Variants in FBRS observed in about 807,000 individuals in gnomAD.
The protein encoded by FBRS is probable fibrosin-1.
In FBRS, 15 loss-of-function variants were observed where a neutral mutation model predicts 86.1. The ratio of observed to expected loss-of-function variants is 0.17; its 90% CI spans 0.12 to 0.27. FBRS has a LOEUF of 0.27. Ranked by LOEUF, FBRS falls within the 10% of genes least tolerant of loss-of-function variation. FBRS has a pLI of 1.00. For missense variants in FBRS, 1,367 were observed against 1,301.6 expected, an observed-to-expected ratio of 1.05 and a Z score of -0.77; for synonymous variants, 666 against 575.8, an observed-to-expected ratio of 1.16 and a Z score of -2.24.
rs1360133931 is a variant in FBRS at position 30,664,502 on chromosome 16, C to G, written c.1343C>G (p.Ala448Gly). ...QVPGHPGASA[A>G]NALSEQDLIG... ...CCAGGGCACCCTGGGGCCTCAGCCG[C>G]TAACGCCCTTTCTGGTGAGTTTGGG... The change falls in exon 7 of 18, where the codon GCT becomes GGT. Residue 448 changes from alanine (A) to glycine (G), a missense_variant. This residue lies in a region of FBRS where 702 missense variants were observed against 598.7 expected (regional missense o/e 1.17). Transcript: ENST00000356166. The G allele has an allele frequency of 1.4e-6, 2 of 1,419,640 alleles. No individual in the cohort carries two copies. Among genetic ancestry groups the G allele is most frequent in the Non-Finnish European group, 1.8e-6 (2 of 1,089,262 alleles). The allele number at this position is 1,419,640 out of a possible 1,614,324, so 87.9% of individuals were successfully genotyped here. A position where few individuals can be genotyped will look rare whatever the true frequency, so the allele number is the denominator to read the frequency against.
chr16:30,662,034 A>C, intron 4 of FBRS: 1 of 218,192 alleles, frequency 4.6e-6, no homozygotes. Context: ...TTAATGAGGA[A>C]TCTCCGGATT....
chr16:30,666,399 G>C (rs1488036823), intron 11 of FBRS, 113 bp from the exon 12 acceptor site: 1 of 1,319,894 alleles, frequency 7.6e-7, no homozygotes, highest in East Asian at 2.3e-5. Context: ...AGGGTTTGAG[G>C]GAGTCCCAGT....
chr16:30,666,336 G>A (rs936815826), intron 11 of FBRS, 176 bp from the exon 12 acceptor site: 3 of 740,792 alleles, frequency 4.0e-6, no homozygotes, highest in African/African-American at 1.8e-5. Flanking sequence ...TGTGCTGGAG[G>A]AGAGATGCCT....
chr16:30,669,335 G>C lies in FBRS; in HGVS notation c.2633G>C (p.Gly878Ala), dbSNP rs1414292466. 1.2e-6 allele frequency: 2 copies of C among 1,611,876 alleles called. No individual in the cohort carries two copies. The highest frequency in any genetic ancestry group is 1.7e-6 in the Non-Finnish European group (2 of 1,179,440). The change falls in exon 18 of 18, where the codon GGC (glycine) becomes GCC (alanine). Residue 878 changes from glycine to alanine, a missense_variant. Transcript: ENST00000356166. The surrounding 1 kb of genome is among the most constrained non-coding windows in gnomAD (Gnocchi z 5.9). ...CCTAGCCCACCAGATCGCTGTGCTG[G>C]CTTCCTGGAGCCAACCTGGTTGGCA... ...LGPSPPDRCA[G>A]FLEPTWLAAP...
rs2052459022 is a variant in FBRS, at chr16:30,661,346, A to G, written c.705+13A>G. 6.5e-7 allele frequency: 1 copy of G among 1,550,294 alleles called. No homozygotes were observed. The highest frequency in any genetic ancestry group is 2.4e-5 in the East Asian group (1 of 40,900). On this transcript the variant is annotated intron_variant, in intron 4 of 17. Transcript: ENST00000356166. ...TCTGGACGAGAGGGTGAGTGGGGCT[A>G]GAGCTTGGGTGGGCAGTGTCACTGC...
Position 30,669,438 on chromosome 16 carries a change from T to C in FBRS, c.2736T>C (p.Ala912=). 6.2e-7 allele frequency: 1 copy of C among 1,612,800 alleles called. No individual in the cohort carries two copies. Among genetic ancestry groups the C allele is most frequent in the South Asian group, 1.1e-5 (1 of 91,086 alleles). Residue 912 remains alanine (A), a synonymous_variant, in exon 18 of 18, where the codon GCT becomes GCC. Transcript: ENST00000356166. The surrounding 1 kb of genome is among the most constrained non-coding windows in gnomAD (Gnocchi z 5.9). ...TAACTGGACCCGGGGCCGTGGCCGC[T>C]GCCCGCCTCTACGGTCTGGAACCTG... The part of the protein sequence containing the change: ...EELTGPGAVA[A]ARLYGLEPAH...
Position 30,662,400 on chromosome 16 carries a change from C to T in FBRS, c.706-20C>T, listed in dbSNP as rs1376250374. ...TGGCCCACCCACAACCTAACTCTATCCCTTGCCCTTCTTCCCCAGGTCTCC... is the reference window on the plus strand; with the variant it reads ...TGGCCCACCCACAACCTAACTCTATTCCTTGCCCTTCTTCCCCAGGTCTCC... On this transcript the variant is annotated intron_variant, in intron 4 of 17. Coordinates refer to ENST00000356166, the MANE Select transcript of FBRS (RefSeq NM_001105079.3). The T allele has an allele frequency of 3.9e-6, 6 of 1,550,138 alleles. No individual in the cohort carries two copies. The East Asian group carries it at 1.2e-4, about 32-fold the overall frequency.
At position 30,662,756 on chromosome 16, in the gene FBRS, C is replaced by T; in HGVS notation, c.952C>T (p.Pro318Ser). The change falls in exon 6 of 18, where the codon CCC becomes TCC. Residue 318 changes from proline (P) to serine (S), a missense_variant. Coordinates refer to ENST00000356166, the MANE Select transcript of FBRS (RefSeq NM_001105079.3). ...ACCCCCTGCACCCCTGCCGGCCACT[C>T]CCAGTCTGCCACCCCCACCCCAGCC... is the stretch of plus-strand genomic sequence containing the variant. ...VSPPAPLPATPSLPPPPQPQL... is the reference protein window; with the variant it reads ...VSPPAPLPATSSLPPPPQPQL... 6.5e-7 allele frequency: 1 copy of T among 1,528,468 alleles called. No individual in the cohort carries two copies. Among genetic ancestry groups the T allele is most frequent in the Non-Finnish European group, 8.8e-7 (1 of 1,133,182 alleles). 94.7% of individuals were successfully genotyped at this position (1,528,468 alleles called of 1,614,324 possible).
rs1446970388 is a variant in FBRS, at chr16:30,670,699, A to G, written c.*1054A>G. 4 of 157,134 alleles carry G rather than the reference A, an allele frequency of 2.5e-5. No individual in the cohort carries two copies. Among genetic ancestry groups the G allele is most frequent in the Non-Finnish European group, 4.3e-5 (3 of 69,952 alleles). 9.7% of individuals were successfully genotyped at this position (157,134 alleles called of 1,614,324 possible). A position where few individuals can be genotyped will look rare whatever the true frequency, so the allele number is the denominator to read the frequency against. On this transcript the variant is annotated 3_prime_UTR_variant, in exon 18 of 18. Coordinates refer to ENST00000356166, the MANE Select transcript of FBRS (RefSeq NM_001105079.3). ...GCGCCTCCAGGCTGGGGCCCAACCT[A>G]GAAGGCAGGGGTCAATCTAACAAAA...
In FBRS at chr16:30,659,818, C is replaced by T. The variant is rs998264319; in HGVS notation, c.300C>T (p.Ala100=). ...PPRPRARKRP[A]GSGSRGEEEE... ...GACCCCGAGCTCGGAAGCGGCCTGC[C>T]GGCTCGGGCAGCCGCGGGGAGGAAG... Residue 100 remains alanine (A), a synonymous_variant, in exon 1 of 18, where the codon GCC becomes GCT. Coordinates refer to ENST00000356166, the MANE Select transcript of FBRS (RefSeq NM_001105079.3). The T allele has an allele frequency of 6.6e-6, 10 of 1,518,002 alleles. No homozygotes were observed. In the East Asian group the frequency reaches 7.5e-5, roughly 11 times the overall value. 94.0% of individuals were successfully genotyped at this position (1,518,002 alleles called of 1,614,324 possible).
chr16:30,668,419 C>T, intron 15 of FBRS, 141 bp from the exon 16 acceptor site: 1 of 717,108 alleles, frequency 1.4e-6, no homozygotes, highest in Non-Finnish European at 2.4e-6. Flanking sequence ...CCTTCCTGGC[C>T]CAAGGAAGTG....
chr16:30,664,952 C>G (rs374126603), intron 8 of FBRS, 32 bp downstream of exon 8: 61 of 1,608,796 alleles, frequency 3.8e-5, no homozygotes, highest in Non-Finnish European at 4.9e-5. Flanking sequence ...CGATGAGGCT[C>G]GGAGGCCTCT....
chr16:30,665,344 T>C lies in FBRS; in HGVS notation c.1647T>C (p.Pro549=). The C allele has an allele frequency of 6.4e-7, 1 of 1,566,408 alleles. No individual in the cohort carries two copies. The highest frequency in any genetic ancestry group is 8.6e-7 in the Non-Finnish European group (1 of 1,156,634). Residue 549 remains proline (P), a synonymous_variant, in exon 10 of 18, where the codon CCT becomes CCC. Coordinates refer to ENST00000356166, the MANE Select transcript of FBRS (RefSeq NM_001105079.3). The surrounding 1 kb of genome is among the most constrained non-coding windows in gnomAD (Gnocchi z 4.1). ...TAFPPAVPGL[P]PGLPPAVSFG... ...TCCCTCCCGCAGTGCCCGGGCTGCCTCCGGGCCTCCCGCCGGCCGTCTCCT... is the reference window on the plus strand; with the variant it reads ...TCCCTCCCGCAGTGCCCGGGCTGCCCCCGGGCCTCCCGCCGGCCGTCTCCT...
In FBRS at chr16:30,664,500, C is replaced by T. The variant is rs1031054628; in HGVS notation, c.1341C>T (p.Ala447=). 37 of 1,415,614 alleles carry T rather than the reference C, an allele frequency of 2.6e-5. No homozygotes were observed. The African/African-American group carries it at 3.5e-4, about 13-fold the overall frequency. The allele number at this position is 1,415,614 out of a possible 1,614,324, so 87.7% of individuals were successfully genotyped here. The change falls in exon 7 of 18, where the codon GCC becomes GCT. Residue 447 remains alanine (A), a synonymous_variant. Transcript: ENST00000356166. The stretch of plus-strand genomic sequence containing the variant: ...TGCCAGGGCACCCTGGGGCCTCAGC[C>T]GCTAACGCCCTTTCTGGTGAGTTTG... ...LQVPGHPGAS[A]ANALSEQDLI... is the part of the protein sequence containing the mutation.
chr16:30,668,741 C>G (rs1567547688), intron 16 of FBRS, 31 bp from the exon 17 acceptor site: 2 of 1,589,550 alleles, frequency 1.3e-6, no homozygotes, highest in Non-Finnish European at 1.7e-6. Flanking sequence ...ACTTCTGGCC[C>G]CTGTCACTCT....
At chr16:30,666,408 G>C in intron 11 of FBRS, 104 bp from the exon 12 acceptor site, 1 of 1,424,940 alleles carries the variant, frequency 7.0e-7, no homozygotes, top group East Asian at 2.3e-5. Context: ...GGGAGTCCCA[G>C]TGTCTCAGGC....
rs1350677834 is a variant in FBRS at position 30,668,545 on chromosome 16, C to G, written c.2075-15C>G. 3.7e-6 allele frequency: 6 copies of G among 1,606,396 alleles called. No individual in the cohort carries two copies. The highest frequency in any genetic ancestry group is 1.1e-5 in the South Asian group (1 of 90,778). On this transcript the variant is annotated splice_polypyrimidine_tract_variant and intron_variant, in intron 15 of 17. Coordinates refer to ENST00000356166, the MANE Select transcript of FBRS (RefSeq NM_001105079.3). ...GGCTGCCCAGTGCTCTGACCACCCC[C>G]CTTTCCTCCCACAGATCCCTTTGGG...
chr16:30,664,978 T>C, intron 8 of FBRS, 57 bp from the exon 9 acceptor site: 3 of 1,609,538 alleles, frequency 1.9e-6, no homozygotes, highest in Non-Finnish European at 2.5e-6. Context: ...GGGCATGGCT[T>C]CTGGGGGAAG....
Position 30,665,208 on chromosome 16 carries a change from C to A in FBRS, c.1609-98C>A. 6.6e-7 allele frequency: 1 copy of A among 1,512,918 alleles called. No individual in the cohort carries two copies. The highest frequency in any genetic ancestry group is 8.9e-7 in the Non-Finnish European group (1 of 1,123,198). The allele number at this position is 1,512,918 out of a possible 1,614,324, so 93.7% of individuals were successfully genotyped here. On this transcript the variant is annotated intron_variant, in intron 9 of 17. Transcript: ENST00000356166. This position sits in a 1 kb window ranked among gnomAD's most constrained non-coding sequence, Gnocchi z 4.1. ...AGAGCCTTGAGCCTGGGACAGCTCC[C>A]TGGGGGGCTTTAGGGTGGAGGCCCG...
Sources: gnomAD v4.1 joint callset for allele counts on GRCh38, gnomAD v4.1.1 for gene constraint, gnomAD v4.1.1 regional missense constraint, Gnocchi (gnomAD v3.1) non-coding constraint, MANE v1.5 for transcripts, NCBI Gene and HGNC (gene_info 2026-07-23, HGNC 2026-07-21) for gene names.